PIBF1: variants seen among roughly 807,000 people sequenced by gnomAD.
PIBF1 encodes the protein progesterone-induced-blocking factor 1.
PIBF1 carries 90 observed loss-of-function variants against 112.5 expected under a neutral mutation model. That is an observed-to-expected ratio of 0.80 (90% CI 0.67 to 0.95). PIBF1 has a LOEUF of 0.95. PIBF1 is among the 40% of genes least tolerant of loss of function. PIBF1 has a pLI of 0.00. For synonymous variants in PIBF1, 301 were observed against 288.6 expected (o/e 1.04, Z -0.44); for missense variants, 915 against 852.3 (o/e 1.07, Z -0.92).
chr13:73,008,612 G>A (rs796954780), intron 17 of PIBF1, among the ~76,000 whole-genome samples: 22 of 152,242 alleles, frequency 1.4e-4, no homozygotes, highest in African/African-American at 5.3e-4. Flanking sequence ...TTACATTCAT[G>A]GATAGAGATA....
chr13:72,805,916 G>A (rs568009295), intron 5 of PIBF1, among the ~76,000 whole-genome samples: 2 of 152,312 alleles, frequency 1.3e-5, no homozygotes, highest in East Asian at 3.9e-4. Flanking sequence ...CCTTATGGGG[G>A]AAGGTCAACA....
At chr13:72,804,185 C>G (rs1313453822) in intron 5 of PIBF1, among the ~76,000 whole-genome samples, 1 of 151,992 alleles carries the variant, frequency 6.6e-6, no homozygotes, top group Non-Finnish European at 1.5e-5. Flanking sequence ...GTAAATTTTC[C>G]TCTTAACTAT....
chr13:72,931,834 A>G (rs1252430144), intron 14 of PIBF1, among the ~76,000 whole-genome samples: 1 of 149,236 alleles, frequency 6.7e-6, no homozygotes, highest in Non-Finnish European at 1.5e-5. Flanking sequence ...TCATAAAACA[A>G]TTTAAACCGG....
intron 5 of PIBF1, among the ~76,000 whole-genome samples, chr13:72,801,616 T>C (rs2035478043): frequency 6.6e-6 from 1 of 152,060 alleles, no homozygotes; most frequent in South Asian, 2.1e-4. Flanking sequence ...TAATAATTTC[T>C]TAGCCTCCTC....
In PIBF1 at chr13:72,893,916, A is replaced by G. The variant is rs1482824985; in HGVS notation, c.1455A>G (p.Gln485=). 16 of 1,606,134 alleles carry G rather than the reference A, an allele frequency of 1.0e-5. No individual in the cohort carries two copies. The African/African-American group carries it at 1.1e-4, about 11-fold the overall frequency. Residue 485 remains glutamine, a synonymous_variant, in exon 11 of 18, where the codon CAA becomes CAG. Coordinates refer to ENST00000326291, the MANE Select transcript of PIBF1 (RefSeq NM_006346.4). ...CAGCAAGAAATCTCACACAGTGTCA[A>G]TTGGAATGTGAAAAATATCAGAAAA... ...EETARNLTQC[Q]LECEKYQKKL... is the part of the protein sequence containing the mutation.
At chr13:72,971,138 A>G in intron 15 of PIBF1, among the ~76,000 whole-genome samples, 1 of 151,886 alleles carries the variant, frequency 6.6e-6, no homozygotes, top group Admixed American at 6.6e-5. Context: ...TTCCGATTAC[A>G]CTACATATTC....
At position 72,892,039 on chromosome 13, in the gene PIBF1, A is replaced by G. The variant is rs150541834; in HGVS notation, c.1323-1745A>G. Reference sequence around the variant, plus strand: ...GCCAGGCCTGGATGAAGAGAAGAATAGGGAGTGACTAATGAACATGGGGAC... The same window carrying G: ...GCCAGGCCTGGATGAAGAGAAGAATGGGGAGTGACTAATGAACATGGGGAC... On this transcript the variant is annotated intron_variant, in intron 10 of 17. Coordinates refer to ENST00000326291, the MANE Select transcript of PIBF1 (RefSeq NM_006346.4). Among the ~76,000 whole-genome samples the G allele has an allele frequency of 5.7e-4, 87 of 152,236 alleles. 1 individual carries two copies. The East Asian group carries it at 0.015, about 27-fold the overall frequency.
chr13:72,955,440 A>G (rs898731036), intron 14 of PIBF1, among the ~76,000 whole-genome samples: 4 of 152,220 alleles, frequency 2.6e-5, no homozygotes, highest in African/African-American at 9.6e-5. Context: ...CTGAAGTGGG[A>G]AAAACAATGA....
At chr13:72,928,893 G>A (rs1052802221) in intron 13 of PIBF1, among the ~76,000 whole-genome samples, 3 of 152,164 alleles carry the variant, frequency 2.0e-5, no homozygotes, top group Non-Finnish European at 4.4e-5. Context: ...ATGTCTTCAA[G>A]TCATTATCTT....
At chr13:72,962,563 C>A (rs537921995) in intron 14 of PIBF1, among the ~76,000 whole-genome samples, 16 of 150,578 alleles carry the variant, frequency 1.1e-4, no homozygotes, top group African/African-American at 3.7e-4. Flanking sequence ...TGCCACTGCA[C>A]TCCAGACTAG....
chr13:72,826,573 T>C (rs2036821367), intron 6 of PIBF1, among the ~76,000 whole-genome samples: 1 of 152,214 alleles, frequency 6.6e-6, no homozygotes, highest in South Asian at 2.1e-4. Context: ...GTGAATGAAA[T>C]AGTCACAAGA....
At chr13:72,956,020 A>G (rs1432876456) in intron 14 of PIBF1, among the ~76,000 whole-genome samples, 1 of 152,210 alleles carries the variant, frequency 6.6e-6, no homozygotes, top group African/African-American at 2.4e-5. Flanking sequence ...CAATCTGATA[A>G]TTAGCCTATA....
intron 14 of PIBF1, among the ~76,000 whole-genome samples, chr13:72,950,047 T>A (rs992651492): frequency 6.6e-6 from 1 of 152,200 alleles, no homozygotes; most frequent in African/African-American, 2.4e-5. Flanking sequence ...CCAACCTCTA[T>A]ATCATTTTGA....
At chr13:72,907,818 C>T (rs1474588727) in intron 11 of PIBF1, among the ~76,000 whole-genome samples, 2 of 151,750 alleles carry the variant, frequency 1.3e-5, no homozygotes, top group Non-Finnish European at 2.9e-5. Context: ...AAAACATTTC[C>T]GTATCACTAG....
intron 15 of PIBF1, chr13:72,970,472 A>G (rs2042858772): frequency 6.6e-6 from 1 of 152,180 alleles, no homozygotes; most frequent in Non-Finnish European, 1.5e-5. Context: ...TACATTGCCA[A>G]CTTCCCTTAC....
intron 9 of PIBF1, among the ~76,000 whole-genome samples, chr13:72,851,459 G>A (rs1222438173): frequency 6.6e-6 from 1 of 152,250 alleles, no homozygotes; most frequent in Non-Finnish European, 1.5e-5. Context: ...GGCCTCCTCT[G>A]GACTTTGGAC....
intron 10 of PIBF1, among the ~76,000 whole-genome samples, chr13:72,880,198 C>T (rs560617911): frequency 6.6e-6 from 1 of 152,290 alleles, no homozygotes; most frequent in Non-Finnish European, 1.5e-5. Flanking sequence ...GAACGGGTAA[C>T]TCTGTTTCTT....
At chr13:72,901,973 C>T (rs979624557) in intron 11 of PIBF1, among the ~76,000 whole-genome samples, 1 of 111,626 alleles carries the variant, frequency 9.0e-6, no homozygotes, top group African/African-American at 3.0e-5. Context: ...GCCTATCAAT[C>T]GAATGGATAA....
chr13:72,934,926 T>A (rs988670843), intron 14 of PIBF1, among the ~76,000 whole-genome samples: 7 of 152,114 alleles, frequency 4.6e-5, no homozygotes, highest in Non-Finnish European at 1.5e-5. Flanking sequence ...AAGCAATTAC[T>A]GATTTACTTT....
Sources: allele counts gnomAD v4.1 joint callset (sites outside exome capture counted in the v4.1 genomes callset), GRCh38; gene constraint gnomAD v4.1.1; transcripts MANE v1.5; gene names NCBI Gene and HGNC (gene_info 2026-07-23, HGNC 2026-07-21).